RIMS1: variants seen among roughly 807,000 people sequenced by gnomAD.
The protein encoded by RIMS1 is regulating synaptic membrane exocytosis 1, also known as regulating synaptic membrane exocytosis protein 1.
A neutral mutation model predicts 214.1 loss-of-function variants in RIMS1; 83 were observed. The ratio of observed to expected loss-of-function variants is 0.39; its 90% confidence interval spans 0.32 to 0.47. RIMS1 has a LOEUF of 0.47. RIMS1 is among the 20% of genes least tolerant of loss of function. The pLI, the probability that RIMS1 is intolerant of heterozygous loss-of-function variation, is 0.99. For synonymous variants in RIMS1, 793 were observed against 786.8 expected (o/e 1.01, Z -0.13); for missense variants, 2,050 against 2,161.8 (o/e 0.95, Z 1.03).
chr6:72,007,991 C>A (rs563560676), intron 2 of RIMS1, among the ~76,000 whole-genome samples: 4 of 151,952 alleles, frequency 2.6e-5, no homozygotes, highest in Non-Finnish European at 4.4e-5. Flanking sequence ...AGATACTGTT[C>A]GAGAAGAGCA....
chr6:72,048,666 A>C (rs1306673254), intron 2 of RIMS1, among the ~76,000 whole-genome samples: 1 of 152,212 alleles, frequency 6.6e-6, no homozygotes, highest in Non-Finnish European at 1.5e-5. Flanking sequence ...AAATAGGTTA[A>C]ATGTAAAAAT....
Position 72,182,320 on chromosome 6 carries a change from A to C in RIMS1, c.849A>C (p.Lys283Asn). ...CAGGGCTTTCCGAGCAGAATGGCAA[A>C]GGAGCCCTGAAGAGCGAGCGGAAAC... ...KTPGLSEQNG[K>N]GALKSERKRV... The change falls in exon 6 of 34, where the codon AAA (lysine) becomes AAC (asparagine). Residue 283 changes from lysine (K) to asparagine (N), a missense_variant. By Grantham distance (94) the Lys-to-Asn change is moderately conservative. Around this residue, in one of 6 missense-constraint regions of RIMS1, gnomAD observed 882 missense variants for 828.9 expected, o/e 1.06. Transcript: ENST00000521978. 3 of 1,607,812 alleles carry C rather than the reference A, an allele frequency of 1.9e-6. No homozygotes were observed. The highest frequency in any genetic ancestry group is 2.5e-6 in the Non-Finnish European group (3 of 1,176,876).
chr6:72,174,686 A>G (rs1313137723), intron 4 of RIMS1, among the ~76,000 whole-genome samples: 2 of 152,184 alleles, frequency 1.3e-5, no homozygotes, highest in African/African-American at 4.8e-5. Context: ...GTTTAGAATC[A>G]CATAGAAATA....
At chr6:72,287,604 T>A (rs1281465236) in intron 24 of RIMS1, among the ~76,000 whole-genome samples, 1 of 151,968 alleles carries the variant, frequency 6.6e-6, no homozygotes, top group African/African-American at 2.4e-5. Context: ...AACTTTTTTT[T>A]TTTTTTTTGG....
intron 4 of RIMS1, among the ~76,000 whole-genome samples, chr6:72,152,809 GTA>G (rs1439865690): frequency 1.3e-5 from 1 of 77,230 alleles, no homozygotes; most frequent in Non-Finnish European, 2.2e-5. Context: ...GTATATATAT[GTA>G]TATATATGGA....
chr6:71,960,292 G>A (rs1792543179), intron 1 of RIMS1, among the ~76,000 whole-genome samples: 1 of 152,148 alleles, frequency 6.6e-6, no homozygotes, highest in Non-Finnish European at 1.5e-5. Flanking sequence ...AAGCCAGCAG[G>A]TGAGACTAGT....
intron 2 of RIMS1, among the ~76,000 whole-genome samples, chr6:72,013,447 A>G (rs1168786814): frequency 6.6e-6 from 1 of 152,206 alleles, no homozygotes; most frequent in Non-Finnish European, 1.5e-5. Context: ...ATAAGACAAA[A>G]TATGTGATCC....
intron 1 of RIMS1, among the ~76,000 whole-genome samples, chr6:71,947,045 A>G (rs1788048284): frequency 2.0e-5 from 3 of 152,258 alleles, no homozygotes; most frequent in Admixed American, 6.5e-5. Context: ...AAAGTGCTCA[A>G]CATCACTAAT....
chr6:71,912,431 A>G (rs904249976), intron 1 of RIMS1, among the ~76,000 whole-genome samples: 3 of 152,174 alleles, frequency 2.0e-5, no homozygotes, highest in African/African-American at 4.8e-5. Context: ...ATGCTACAGT[A>G]GAATTTATGT....
intron 1 of RIMS1, among the ~76,000 whole-genome samples, chr6:71,936,898 T>G (rs920225167): frequency 1.3e-5 from 2 of 151,992 alleles, no homozygotes; most frequent in African/African-American, 4.9e-5. Context: ...TGAACAGTGG[T>G]GTAGTCAAAT....
chr6:72,079,280 T>C (rs1832694766), intron 2 of RIMS1, among the ~76,000 whole-genome samples: 2 of 152,194 alleles, frequency 1.3e-5, no homozygotes, highest in South Asian at 4.1e-4. Context: ...TATAAAATAA[T>C]TAAAATTTCT....
intron 4 of RIMS1, chr6:72,175,466 A>G: frequency 3.4e-6 from 1 of 290,054 alleles, no homozygotes; most frequent in Non-Finnish European, 6.9e-6. Flanking sequence ...TGAGGTCAGG[A>G]GTTTGAGACC....
chr6:72,335,253 C>T lies in RIMS1; in HGVS notation c.4366+1418C>T, dbSNP rs149669492. Among the ~76,000 whole-genome samples the T allele has an allele frequency of 1.9e-3, 282 of 152,020 alleles. 2 individuals are homozygous for T. The highest frequency in any genetic ancestry group is 3.4e-3 in the Middle Eastern group (1 of 294). ...TAGGCCCCCACCTGCTGACAGGCCC[C>T]GGTGTGTGATGTTCCCTTCCCTGTG... is the stretch of plus-strand genomic sequence containing the variant. On this transcript the variant is annotated intron_variant, in intron 29 of 33. Transcript: ENST00000521978.
intron 1 of RIMS1, among the ~76,000 whole-genome samples, chr6:71,955,452 C>A (rs1430424981): frequency 6.6e-6 from 1 of 152,180 alleles, no homozygotes; most frequent in Non-Finnish European, 1.5e-5. Context: ...CAGGCATGAG[C>A]CACCGTGCCC....
intron 2 of RIMS1, among the ~76,000 whole-genome samples, chr6:72,092,486 G>T (rs1283083853): frequency 6.6e-6 from 1 of 152,096 alleles, no homozygotes; most frequent in African/African-American, 2.4e-5. Flanking sequence ...GAGAGTTATA[G>T]ACTGAGAAAA....
intron 2 of RIMS1, among the ~76,000 whole-genome samples, chr6:72,040,349 A>G (rs747492572): frequency 1.3e-5 from 2 of 152,178 alleles, no homozygotes; most frequent in African/African-American, 2.4e-5. Flanking sequence ...GACTTAATGA[A>G]TAGTAGTCAC....
intron 24 of RIMS1, among the ~76,000 whole-genome samples, chr6:72,284,418 A>C (rs1033026121): frequency 2.6e-5 from 4 of 152,192 alleles, no homozygotes; most frequent in African/African-American, 9.6e-5. Context: ...TTAGGACATT[A>C]ATATTTTGTT....
At chr6:71,927,113 A>C (rs1781781087) in intron 1 of RIMS1, among the ~76,000 whole-genome samples, 1 of 152,182 alleles carries the variant, frequency 6.6e-6, no homozygotes. Context: ...TTTAGAAGAA[A>C]TGAATGGCAA....
intron 2 of RIMS1, among the ~76,000 whole-genome samples, chr6:72,073,925 TA>T (rs1831167666): frequency 6.6e-6 from 1 of 152,230 alleles, no homozygotes; most frequent in Non-Finnish European, 1.5e-5. Context: ...TCCAAGAACT[TA>T]AAATGACTGT....
Sources: allele counts gnomAD v4.1 joint callset (sites outside exome capture counted in the v4.1 genomes callset), GRCh38; gene constraint gnomAD v4.1.1; regional missense constraint gnomAD v4.1.1; transcripts MANE v1.5; gene names NCBI Gene and HGNC (gene_info 2026-07-23, HGNC 2026-07-21).